The following NKD2 variants were observed in gnomAD, a reference collection of about 807,000 sequenced individuals.
NKD2 encodes NKD inhibitor of Wnt signaling pathway 2.
NKD2 carries 43 observed loss-of-function variants against 34.8 expected under a neutral mutation model. The observed-to-expected ratio is 1.24, with a 90% CI of 0.97 to 1.60. The LOEUF is 1.60. Ranked by LOEUF, NKD2 falls within the 40% of genes most tolerant of loss-of-function variation. The probability of loss-of-function intolerance (pLI) is 0.00; values close to 1 mark genes in which losing one functional copy is unlikely to be tolerated. For missense variants in NKD2, 675 were observed against 627.1 expected (o/e 1.08, Z -0.82); for synonymous variants, 278 against 265.1 (o/e 1.05, Z -0.47).
chr5:1,029,146 G>A (rs1756540989), intron 3 of NKD2, among the ~76,000 whole-genome samples: 1 of 152,232 alleles, frequency 6.6e-6, no homozygotes, highest in Admixed American at 6.5e-5. Context: ...GGCTTTGACT[G>A]TAGATGCTCA....
In NKD2 at chr5:1,008,815, C is replaced by G. The variant is rs1183555889; in HGVS notation, c.-243C>G. Reference sequence around the variant, plus strand: ...GCGCACGCGCTCAGAGGGAGCCGGGCCGCCGTCGCTGCCGCCGCTGTCCCC... The same window carrying G: ...GCGCACGCGCTCAGAGGGAGCCGGGGCGCCGTCGCTGCCGCCGCTGTCCCC... On this transcript the variant is annotated 5_prime_UTR_variant, in exon 1 of 10. Coordinates refer to ENST00000296849, the MANE Select transcript of NKD2 (RefSeq NM_033120.4). The G allele has an allele frequency of 4.4e-6, 1 of 229,782 alleles. No homozygotes were observed. Among genetic ancestry groups the G allele is most frequent in the Non-Finnish European group, 8.3e-6 (1 of 120,152 alleles). 14.2% of individuals were successfully genotyped at this position (229,782 alleles called of 1,614,324 possible). A position where few individuals can be genotyped will look rare whatever the true frequency, so the allele number is the denominator to read the frequency against.
intron 4 of NKD2, 65 bp downstream of exon 4, chr5:1,032,277 G>A (rs1285195356): frequency 9.1e-6 from 12 of 1,321,868 alleles, no homozygotes; most frequent in East Asian, 4.7e-5. Context: ...CCAAGGCAAC[G>A]CCGAAAACCA....
chr5:1,035,996 A>C, intron 8 of NKD2: 1 of 636,344 alleles, frequency 1.6e-6, no homozygotes, highest in East Asian at 3.6e-5. Context: ...CCACTACAGC[A>C]TGAGCCACTC....
At chr5:1,034,723 T>G (rs1227978894) in intron 6 of NKD2, 33 bp from the exon 7 acceptor site, 1 of 1,598,902 alleles carries the variant, frequency 6.3e-7, no homozygotes, top group East Asian at 2.2e-5. Context: ...CCCTGGGGTC[T>G]GCTCTGTCAG....
Position 1,019,458 on chromosome 5 carries a change from C to T in NKD2, c.141+9898C>T, listed in dbSNP as rs189736969. 4.6e-3 allele frequency among the ~76,000 whole-genome samples: 704 copies of T among 152,348 alleles called. 3 individuals carry two copies. The highest frequency in any genetic ancestry group is 9.9e-3 in the Admixed American group (152 of 15,310). On this transcript the variant is annotated intron_variant, in intron 3 of 9. Coordinates refer to ENST00000296849, the MANE Select transcript of NKD2 (RefSeq NM_033120.4). ...AGCCCCTGCCCCCTAGAGCCCTCTG[C>T]AGCCTCGGCCAATAGCAAAGCCGCA...
intron 3 of NKD2, among the ~76,000 whole-genome samples, chr5:1,010,640 A>C (rs890192931): frequency 1.3e-5 from 2 of 152,176 alleles, no homozygotes; most frequent in Admixed American, 1.3e-4. Context: ...GTGAGCCTCT[A>C]TCCGGGACAG....
intron 9 of NKD2, among the ~76,000 whole-genome samples, chr5:1,037,262 G>A (rs546384849): frequency 2.6e-5 from 4 of 152,262 alleles, no homozygotes; most frequent in Non-Finnish European, 5.9e-5. Context: ...TCATAACCCC[G>A]GCTTCAGGAG....
At chr5:1,017,961 C>T (rs896975476) in intron 3 of NKD2, among the ~76,000 whole-genome samples, 1 of 151,958 alleles carries the variant, frequency 6.6e-6, no homozygotes, top group Non-Finnish European at 1.5e-5. Context: ...GGGGCGGGGG[C>T]TGCCACTTGA....
chr5:1,031,231 G>A (rs1365757039), intron 3 of NKD2, among the ~76,000 whole-genome samples: 5 of 152,180 alleles, frequency 3.3e-5, no homozygotes. Flanking sequence ...CTGGTCAGGA[G>A]GAAAGGATGA....
chr5:1,033,571 G>T (rs1279149892), intron 5 of NKD2, 72 bp downstream of exon 5: 4 of 1,472,716 alleles, frequency 2.7e-6, no homozygotes, highest in East Asian at 2.5e-5. Flanking sequence ...GGCATGTGTT[G>T]CCCTAAACTG....
rs762574142 is a variant in NKD2 at position 1,038,419 on chromosome 5, A to G, written c.*46A>G. ...CGCTCCCAGCACACCACAGCCCGCGACCTCAGGGCAGGGAGCAGAGCAGCT... is the reference window on the plus strand; with the variant it reads ...CGCTCCCAGCACACCACAGCCCGCGGCCTCAGGGCAGGGAGCAGAGCAGCT... On this transcript the variant is annotated 3_prime_UTR_variant, in exon 10 of 10. Transcript: ENST00000296849. The surrounding 1 kb of genome is among the most constrained non-coding windows in gnomAD (Gnocchi z 4.5). 158 of 1,534,654 alleles carry G rather than the reference A, an allele frequency of 1.0e-4. No homozygotes were observed. The highest frequency in any genetic ancestry group is 1.3e-4 in the Non-Finnish European group (152 of 1,146,512).
In NKD2 at chr5:1,038,054, G is replaced by A. The variant is rs1282621531; in HGVS notation, c.1037G>A (p.Ser346Asn). Reference sequence around the variant, plus strand: ...GGGAAGCCGCCTGGGGTGCCAGCCAGCAGCAAGTCCGGGAAAGCCTTCAGC... The same window carrying A: ...GGGAAGCCGCCTGGGGTGCCAGCCAACAGCAAGTCCGGGAAAGCCTTCAGC... ...GSGKPPGVPA[S>N]SKSGKAFSYY... Residue 346 changes from serine (S) to asparagine (N), a missense_variant, in exon 10 of 10, where the codon AGC becomes AAC. Coordinates refer to ENST00000296849, the MANE Select transcript of NKD2 (RefSeq NM_033120.4). The surrounding 1 kb of genome is among the most constrained non-coding windows in gnomAD (Gnocchi z 4.5). The A allele has an allele frequency of 1.9e-6, 3 of 1,609,538 alleles. No homozygotes were observed. The highest frequency in any genetic ancestry group is 2.5e-6 in the Non-Finnish European group (3 of 1,179,256).
intron 3 of NKD2, among the ~76,000 whole-genome samples, chr5:1,029,601 A>G (rs1756559789): frequency 6.6e-6 from 1 of 152,190 alleles, no homozygotes; most frequent in Non-Finnish European, 1.5e-5. Context: ...GGCTGCGTTT[A>G]CATTTTCACT....
At chr5:1,024,990 G>T (rs1756339506) in intron 3 of NKD2, among the ~76,000 whole-genome samples, 1 of 10,752 alleles carries the variant, frequency 9.3e-5, no homozygotes, top group African/African-American at 1.0e-4. Context: ...CGTTGTCCCT[G>T]CTCTTCCCAC....
intron 3 of NKD2, among the ~76,000 whole-genome samples, chr5:1,022,160 C>T (rs10044950): frequency 2.0e-5 from 3 of 149,442 alleles, no homozygotes; most frequent in African/African-American, 7.4e-5. Context: ...TGTCCCTGCT[C>T]TTCCCACCTG....
At chr5:1,010,232 G>A (rs1485961702) in intron 3 of NKD2, among the ~76,000 whole-genome samples, 1 of 152,202 alleles carries the variant, frequency 6.6e-6, no homozygotes, top group Non-Finnish European at 1.5e-5. Context: ...AGGGCCTGGG[G>A]TAAATTAGAC....
intron 3 of NKD2, among the ~76,000 whole-genome samples, chr5:1,030,239 C>G (rs1022515166): frequency 1.3e-5 from 2 of 152,050 alleles, no homozygotes; most frequent in Non-Finnish European, 2.9e-5. Context: ...GGCTGCCCCC[C>G]TCCACAGTGA....
rs1261294435 is a variant in NKD2, at chr5:1,033,418, A to C, written c.249A>C (p.Gln83His). The C allele has an allele frequency of 3.1e-6, 5 of 1,592,874 alleles. No homozygotes were observed. The Admixed American group carries it at 8.6e-5, about 27-fold the overall frequency. ...CTGAGGGCCGCGAGCACCCGGGACA[A>C]CTCCTCAGCGCAGATGACGGAGAGA... ...EKAEGREHPGQLLSADDGERA... is the reference protein window; with the variant it reads ...EKAEGREHPGHLLSADDGERA... Residue 83 changes from glutamine (Q) to histidine (H), a missense_variant, in exon 5 of 10, where the codon CAA becomes CAC. Coordinates refer to ENST00000296849, the MANE Select transcript of NKD2 (RefSeq NM_033120.4).
At chr5:1,027,231 T>C (rs1579264733) in intron 3 of NKD2, among the ~76,000 whole-genome samples, 1 of 152,164 alleles carries the variant, frequency 6.6e-6, no homozygotes, top group East Asian at 1.9e-4. Context: ...CAGTGCAAGG[T>C]GGCCAAGGCG....
Sources: gnomAD v4.1 joint callset for allele counts (sites outside exome capture counted in the v4.1 genomes callset) on GRCh38, gnomAD v4.1.1 for gene constraint, Gnocchi (gnomAD v3.1) non-coding constraint, MANE v1.5 for transcripts, NCBI Gene and HGNC (gene_info 2026-07-23, HGNC 2026-07-21) for gene names.